KBTBD2: variants seen among roughly 807,000 people sequenced by gnomAD.
KBTBD2 encodes kelch repeat and BTB domain containing 2.
KBTBD2 carries 17 observed loss-of-function variants against 57.1 expected under a neutral mutation model. The ratio of observed to expected loss-of-function variants is 0.30; its 90% confidence interval spans 0.20 to 0.45. The LOEUF is 0.45. Ranked by LOEUF, KBTBD2 falls within the 20% of genes least tolerant of loss-of-function variation. The pLI is 1.00. For synonymous variants in KBTBD2, 267 were observed against 262.7 expected (o/e 1.02, Z -0.16); for missense variants, 515 against 750.6 (o/e 0.69, Z 3.67).
At chr7:32,887,710 A>G (rs1784615967) in intron 1 of KBTBD2, among the ~76,000 whole-genome samples, 1 of 152,242 alleles carries the variant, frequency 6.6e-6, no homozygotes, top group Non-Finnish European at 1.5e-5. Flanking sequence ...GAAAAGATCC[A>G]AGGCGTTCTC....
At chr7:32,887,423 A>G (rs1224619139) in intron 1 of KBTBD2, among the ~76,000 whole-genome samples, 1 of 152,252 alleles carries the variant, frequency 6.6e-6, no homozygotes, top group African/African-American at 2.4e-5. Context: ...ACATGAGGTG[A>G]CAGATGTAAA....
intron 1 of KBTBD2, chr7:32,890,921 GAGA>G (rs1459403424): frequency 1.3e-5 from 2 of 152,188 alleles, no homozygotes; most frequent in Non-Finnish European, 2.9e-5. Context: ...AATCCGTAGG[GAGA>G]AGGAGGTGGT....
Position 32,879,428 on chromosome 7 carries a change from T to C in KBTBD2, c.170+7A>G, listed in dbSNP as rs755984740. 6.4e-7 allele frequency: 1 copy of C among 1,574,092 alleles called. No individual in the cohort carries two copies. The highest frequency in any genetic ancestry group is 1.8e-5 in the Admixed American group (1 of 56,376). The stretch of plus-strand genomic sequence containing the variant: ...GAATTTCTATTTAAAACATTAAAAG[T>C]ACTTACCTGAAATAAGAGCTACATG... On this transcript the variant is annotated splice_region_variant and intron_variant, in intron 2 of 3. Transcript: ENST00000304056.
Position 32,870,951 on chromosome 7 carries a change from G to C in KBTBD2, c.337-71C>G, listed in dbSNP as rs1292234777. The C allele has an allele frequency of 4.6e-6, 4 of 869,134 alleles. No homozygotes were observed. In the South Asian group the frequency reaches 7.4e-5, roughly 16 times the overall value. The allele number at this position is 869,134 out of a possible 1,614,324, so 53.8% of individuals were successfully genotyped here. A position where few individuals can be genotyped will look rare whatever the true frequency, so the allele number is the denominator to read the frequency against. On this transcript the variant is annotated intron_variant, in intron 3 of 3. Coordinates refer to ENST00000304056, the MANE Select transcript of KBTBD2 (RefSeq NM_015483.3). Reference sequence around the variant, plus strand: ...GACACATTTTACTTTTATGTAAGACGTAAGTATATTAATCAGATGCCCATA... The same window carrying C: ...GACACATTTTACTTTTATGTAAGACCTAAGTATATTAATCAGATGCCCATA...
chr7:32,879,657 G>T lies in KBTBD2; in HGVS notation c.-53C>A. ...ACAGATTAGAAAAGTCCGTCTTACT[G>T]ATGGAAGGTCAAGTGAATACTTCAG... On this transcript the variant is annotated 5_prime_UTR_variant, in exon 2 of 4. Coordinates refer to ENST00000304056, the MANE Select transcript of KBTBD2 (RefSeq NM_015483.3). 6.8e-7 allele frequency: 1 copy of T among 1,464,020 alleles called. No individual in the cohort carries two copies. Among genetic ancestry groups the T allele is most frequent in the Non-Finnish European group, 9.5e-7 (1 of 1,056,410 alleles). The allele number at this position is 1,464,020 out of a possible 1,614,324, so 90.7% of individuals were successfully genotyped here.
intron 3 of KBTBD2, among the ~76,000 whole-genome samples, chr7:32,872,401 C>T (rs1220092662): frequency 6.6e-6 from 1 of 152,038 alleles, no homozygotes; most frequent in East Asian, 1.9e-4. Flanking sequence ...AAAGGTTGGC[C>T]AGGTGTTGTA....
intron 1 of KBTBD2, among the ~76,000 whole-genome samples, chr7:32,888,034 G>T (rs1210262992): frequency 6.6e-6 from 1 of 152,134 alleles, no homozygotes; most frequent in Non-Finnish European, 1.5e-5. Flanking sequence ...CCTTCACCAG[G>T]TCCGAAGATT....
chr7:32,869,596 T>C lies in KBTBD2; in HGVS notation c.1621A>G (p.Thr541Ala), dbSNP rs1583769363. The change falls in exon 4 of 4, where the codon ACC (threonine) becomes GCC (alanine). Residue 541 changes from threonine to alanine, a missense_variant. By Grantham distance (58) the Thr-to-Ala change is moderately conservative. Coordinates refer to ENST00000304056, the MANE Select transcript of KBTBD2 (RefSeq NM_015483.3). ...SNSLCVFMRE[T>A]HLNERAKYVT... ...TATTTAGCTCGCTCATTTAAGTGGG[T>C]TTCTCGCATAAACACACATAGAGAA... 2 of 1,613,996 alleles carry C rather than the reference T, an allele frequency of 1.2e-6. No individual in the cohort carries two copies. Among genetic ancestry groups the C allele is most frequent in the Non-Finnish European group, 1.7e-6 (2 of 1,179,992 alleles).
intron 2 of KBTBD2, among the ~76,000 whole-genome samples, chr7:32,877,148 AG>A (rs1233313051): frequency 3.3e-5 from 5 of 150,470 alleles, no homozygotes; most frequent in African/African-American, 1.2e-4. Flanking sequence ...CATCCCGAGT[AG>A]CTGGGATTAC....
chr7:32,885,901 T>C lies in KBTBD2; in HGVS notation c.-339+5635A>G, dbSNP rs570967077. Among the ~76,000 whole-genome samples the C allele has an allele frequency of 1.0e-3, 122 of 119,160 alleles. 2 individuals are homozygous for C. The highest frequency in any genetic ancestry group is 1.5e-3 in the Non-Finnish European group (88 of 60,438). 78.2% of individuals were successfully genotyped at this position (119,160 alleles called of 152,430 possible). On this transcript the variant is annotated intron_variant, in intron 1 of 3. Coordinates refer to ENST00000304056, the MANE Select transcript of KBTBD2 (RefSeq NM_015483.3). ...CAGGATGAAATCCTCTCCTCCACTGTCTACACACTTTTTTTTTTTTTTTTA... is the reference window on the plus strand; with the variant it reads ...CAGGATGAAATCCTCTCCTCCACTGCCTACACACTTTTTTTTTTTTTTTTA...
intron 1 of KBTBD2, among the ~76,000 whole-genome samples, chr7:32,880,629 C>T (rs978372182): frequency 8.6e-5 from 13 of 151,668 alleles, no homozygotes; most frequent in East Asian, 3.9e-4. Context: ...GAATGTTCTC[C>T]GAATTAATAT....
chr7:32,880,009 T>C (rs1784408854), intron 1 of KBTBD2, 67 bp from the exon 2 acceptor site: 1 of 154,066 alleles, frequency 6.5e-6, no homozygotes, highest in South Asian at 2.1e-4. Context: ...ACGTTTAAAA[T>C]GGCAGCCTTA....
rs1205271609 is a variant in KBTBD2, at chr7:32,869,227, A to G, written c.*118T>C. ...CAAATATTAAGTAGGGCATAAAAAT[A>G]AAATTTATCAAAGATAGAATTTTAT... is the stretch of plus-strand genomic sequence containing the variant. On this transcript the variant is annotated 3_prime_UTR_variant, in exon 4 of 4. Transcript: ENST00000304056. The G allele has an allele frequency of 4.3e-6, 3 of 691,606 alleles. No homozygotes were observed. In the Admixed American group the frequency reaches 9.1e-5, roughly 21 times the overall value. The allele number at this position is 691,606 out of a possible 1,614,324, so 42.8% of individuals were successfully genotyped here.
Position 32,870,611 on chromosome 7 carries a change from T to C in KBTBD2, c.606A>G (p.Leu202=), listed in dbSNP as rs1784150058. 1.9e-6 allele frequency: 3 copies of C among 1,614,200 alleles called. No individual in the cohort carries two copies. The highest frequency in any genetic ancestry group is 1.7e-5 in the Admixed American group (1 of 60,024). Residue 202 remains leucine (L), a synonymous_variant, in exon 4 of 4, where the codon CTA becomes CTG. Transcript: ENST00000304056. ...ETVREAAMLW[L]EYNTESRSQY... ...GGGATCGTGATTCTGTGTTATACTC[T>C]AGCCACAGCATAGCAGCTTCTCGAA... is the stretch of plus-strand genomic sequence containing the variant.
At chr7:32,888,572 C>A (rs1367896016) in intron 1 of KBTBD2, among the ~76,000 whole-genome samples, 1 of 150,938 alleles carries the variant, frequency 6.6e-6, no homozygotes, top group Non-Finnish European at 1.5e-5. Context: ...ACAAAAAAAC[C>A]AAAAAAACAA....
Position 32,869,435 on chromosome 7 carries a change from A to G in KBTBD2, c.1782T>C (p.Ser594=), listed in dbSNP as rs1390290207. 4 of 1,614,136 alleles carry G rather than the reference A, an allele frequency of 2.5e-6. No homozygotes were observed. Among genetic ancestry groups the G allele is most frequent in the Non-Finnish European group, 3.4e-6 (4 of 1,179,980 alleles). The change falls in exon 4 of 4, where the codon TCT becomes TCC. Residue 594 remains serine, a synonymous_variant. Coordinates refer to ENST00000304056, the MANE Select transcript of KBTBD2 (RefSeq NM_015483.3). The part of the protein sequence containing the change: ...GKLYPSCLEE[S]PWKPPTYLFS... ...AAAGATAAGTTGGTGGTTTCCATGG[A>G]GACTCTTCAAGGCAGGATGGATAGA...
At chr7:32,874,012 C>A (rs1241898437) in intron 3 of KBTBD2, among the ~76,000 whole-genome samples, 2 of 151,924 alleles carry the variant, frequency 1.3e-5, no homozygotes, top group African/African-American at 4.8e-5. Context: ...CCTGTAATCC[C>A]AGGGCTTTGA....
intron 2 of KBTBD2, among the ~76,000 whole-genome samples, chr7:32,877,727 T>TA (rs1427543533): frequency 1.3e-5 from 2 of 152,176 alleles, no homozygotes; most frequent in Non-Finnish European, 2.9e-5. Context: ...ATTGAACTAT[T>TA]TTTATTTATT....
rs371043805 is a variant in KBTBD2, at chr7:32,879,524, C to T, written c.81G>A (p.Gln27=). Residue 27 remains glutamine (Q), a synonymous_variant, in exon 2 of 4, where the codon CAG becomes CAA. Coordinates refer to ENST00000304056, the MANE Select transcript of KBTBD2 (RefSeq NM_015483.3). The part of the protein sequence containing the change: ...LLEQLKLFYE[Q]QLFTDIVLIV... ...TTAACACTATGTCAGTAAACAACTGCTGTTCATAAAACAGTTTCAACTGTT... is the reference window on the plus strand; with the variant it reads ...TTAACACTATGTCAGTAAACAACTGTTGTTCATAAAACAGTTTCAACTGTT... The T allele has an allele frequency of 3.1e-6, 5 of 1,613,088 alleles. No homozygotes were observed. Among genetic ancestry groups the T allele is most frequent in the Middle Eastern group, 1.7e-4 (1 of 6,058 alleles).
Sources: allele counts gnomAD v4.1 joint callset (sites outside exome capture counted in the v4.1 genomes callset), GRCh38; gene constraint gnomAD v4.1.1; transcripts MANE v1.5; gene names NCBI Gene and HGNC (gene_info 2026-07-23, HGNC 2026-07-21).